The following NDRG4 variants were observed in gnomAD, a reference collection of about 807,000 sequenced individuals.
NDRG4 encodes NDRG family member 4, also known as protein NDRG4.
In NDRG4, 38 loss-of-function variants were observed where a neutral mutation model predicts 55.8. The ratio of observed to expected loss-of-function variants is 0.68; its 90% CI spans 0.53 to 0.89. NDRG4 has a LOEUF of 0.89. Ranked by LOEUF, NDRG4 falls within the 40% of genes least tolerant of loss-of-function variation. NDRG4 has a pLI of 0.00. For missense variants in NDRG4, 455 were observed against 468.6 expected (o/e 0.97, Z 0.27); for synonymous variants, 190 against 182.7 (o/e 1.04, Z -0.32).
In NDRG4 at chr16:58,511,443, G is replaced by A. The variant is rs370628261; in HGVS notation, c.926G>A (p.Arg309His). The change falls in exon 15 of 15, where the codon CGC (arginine) becomes CAC (histidine). Residue 309 changes from arginine (R) to histidine (H), a missense_variant. Coordinates refer to ENST00000570248, the MANE Select transcript of NDRG4 (RefSeq NM_001242835.2). Reference protein sequence around the residue: ...GGAVPSASMTRLARSRTASLT... With the variant: ...GGAVPSASMTHLARSRTASLT... The stretch of plus-strand genomic sequence containing the variant: ...ACAGTGCCCTCAGCCAGCATGACCC[G>A]CCTGGCACGCTCCCGCACTGCATCC... The A allele has an allele frequency of 2.0e-5, 32 of 1,608,748 alleles. No homozygotes were observed. The highest frequency in any genetic ancestry group is 1.1e-4 in the African/African-American group (8 of 74,784).
chr16:58,487,962 G>A, intron 2 of NDRG4: 1 of 758,832 alleles, frequency 1.3e-6, no homozygotes, highest in East Asian at 3.2e-5. Context: ...CAGCCACACC[G>A]AGAAGCCCTG....
At chr16:58,508,346 A>C (rs991045758) in intron 10 of NDRG4, among the ~76,000 whole-genome samples, 1 of 152,210 alleles carries the variant, frequency 6.6e-6, no homozygotes, top group Non-Finnish European at 1.5e-5. Flanking sequence ...AGCCATTATA[A>C]ATCATTAACG....
At chr16:58,511,386 C>T (rs761585150) in intron 14 of NDRG4, 36 bp from the exon 15 acceptor site, 6 of 1,559,234 alleles carry the variant, frequency 3.8e-6, no homozygotes, top group South Asian at 2.4e-5. Context: ...TGGCCCTGCC[C>T]GCCAGTCCTC....
intron 5 of NDRG4, 154 bp from the exon 6 acceptor site, chr16:58,506,233 G>A (rs1567347600): frequency 1.3e-6 from 1 of 743,232 alleles, no homozygotes; most frequent in Non-Finnish European, 2.4e-6. Context: ...TCAGTGAGAG[G>A]AGGACAGGCA....
rs1219717350 is a variant in NDRG4, at chr16:58,464,092, CTT to C, written c.-24+297_-24+298del. ...GCGACGCCCGGAGGCGGCGGGGTCT[CTT>C]TGTTCGGGCGGCGGGCACGGGGGAC... On this transcript the variant is annotated intron_variant, in intron 1 of 15. Coordinates refer to the NDRG4 transcript ENST00000258187. This position sits in a 1 kb window ranked among gnomAD's most constrained non-coding sequence, Gnocchi z 4.8. 3 of 269,584 alleles carry C rather than the reference CTT, an allele frequency of 1.1e-5. No individual in the cohort carries two copies. The highest frequency in any genetic ancestry group is 6.4e-5 in the East Asian group (1 of 15,596). The allele number at this position is 269,584 out of a possible 1,614,324, so 16.7% of individuals were successfully genotyped here. A position where few individuals can be genotyped will look rare whatever the true frequency, so the allele number is the denominator to read the frequency against.
intron 10 of NDRG4, among the ~76,000 whole-genome samples, chr16:58,508,443 G>C (rs2038338755): frequency 6.6e-6 from 1 of 152,210 alleles, no homozygotes; most frequent in South Asian, 2.1e-4. Context: ...GGAACTCTGG[G>C]AGCAGGTGGC....
chr16:58,505,186 A>T (rs1377228558), intron 5 of NDRG4, among the ~76,000 whole-genome samples: 1 of 152,030 alleles, frequency 6.6e-6, no homozygotes, highest in Non-Finnish European at 1.5e-5. Flanking sequence ...AGTCTCTACT[A>T]AAAATACAAA....
At chr16:58,494,900 C>T (rs2036222791) in intron 2 of NDRG4, 1 of 1,434,912 alleles carries the variant, frequency 7.0e-7, no homozygotes, top group Non-Finnish European at 9.8e-7. Flanking sequence ...TCTGCTAAGG[C>T]CCCACGGGCT....
At chr16:58,475,610 A>G in intron 1 of NDRG4, 1 of 456,066 alleles carries the variant, frequency 2.2e-6, no homozygotes, top group Non-Finnish European at 4.4e-6. Context: ...TCTCATAACC[A>G]GGATCTCAAA....
intron 1 of NDRG4, among the ~76,000 whole-genome samples, chr16:58,486,958 C>G (rs2035167797): frequency 6.6e-6 from 1 of 150,482 alleles, no homozygotes; most frequent in African/African-American, 2.5e-5. Flanking sequence ...CCACCCCTCC[C>G]TGGCCCATCT....
chr16:58,500,150 C>A lies in NDRG4; in HGVS notation c.-99C>A. ...CAGGAGCTGTGCCCCATCACAGAGC[C>A]GACCATCTCCCACTCGAGCTGCCCC... On this transcript the variant is annotated 5_prime_UTR_variant, in exon 1 of 15. Coordinates refer to ENST00000570248, the MANE Select transcript of NDRG4 (RefSeq NM_001242835.2). 6.5e-7 allele frequency: 1 copy of A among 1,535,300 alleles called. No homozygotes were observed. The highest frequency in any genetic ancestry group is 8.7e-7 in the Non-Finnish European group (1 of 1,146,538).
intron 13 of NDRG4, 47 bp downstream of exon 13, chr16:58,509,399 C>G: frequency 6.3e-7 from 1 of 1,590,044 alleles, no homozygotes; most frequent in Non-Finnish European, 8.6e-7. Context: ...GACCGGTGGG[C>G]AGGCAGTGCT....
rs763551046 is a variant in NDRG4 at position 58,500,156 on chromosome 16, TCTCCCACTCGAG to T, written c.-90_-79del. 2.0e-6 allele frequency: 3 copies of T among 1,535,420 alleles called. No individual in the cohort carries two copies. The highest frequency in any genetic ancestry group is 2.6e-6 in the Non-Finnish European group (3 of 1,146,554). On this transcript the variant is annotated 5_prime_UTR_variant, in exon 1 of 15. Transcript: ENST00000570248. ...CTGTGCCCCATCACAGAGCCGACCA[TCTCCCACTCGAG>T]CTGCCCCCGCCCTCTGGACCCGAGT... is the stretch of plus-strand genomic sequence containing the variant.
chr16:58,500,072 C>A, upstream of NDRG4: 1 of 1,482,402 alleles, frequency 6.7e-7, no homozygotes, highest in Non-Finnish European at 8.9e-7. Context: ...CTCAGAAACC[C>A]TGCGGGGAGG....
At chr16:58,494,132 A>C (rs1337169692) in intron 2 of NDRG4, among the ~76,000 whole-genome samples, 2 of 152,186 alleles carry the variant, frequency 1.3e-5, no homozygotes, top group Non-Finnish European at 2.9e-5. Context: ...CCATGCCAGC[A>C]TCATACTGAG....
chr16:58,473,950 C>T (rs931574511), intron 1 of NDRG4, among the ~76,000 whole-genome samples: 1 of 151,976 alleles, frequency 6.6e-6, no homozygotes, highest in African/African-American at 2.4e-5. Context: ...CAACGCTTAC[C>T]ACCCCTGTCC....
In NDRG4 at chr16:58,512,502, C is replaced by T; in HGVS notation, c.*926C>T. On this transcript the variant is annotated 3_prime_UTR_variant, in exon 15 of 15. Coordinates refer to ENST00000570248, the MANE Select transcript of NDRG4 (RefSeq NM_001242835.2). Reference sequence around the variant, plus strand: ...CCCCAGAGGGCAACGCCATCAGTAGCAGTGTGGTGTTTCAGGCAGAGCTCT... The same window carrying T: ...CCCCAGAGGGCAACGCCATCAGTAGTAGTGTGGTGTTTCAGGCAGAGCTCT... 4.2e-6 allele frequency: 1 copy of T among 237,474 alleles called. No homozygotes were observed. The highest frequency in any genetic ancestry group is 8.4e-6 in the Non-Finnish European group (1 of 118,872). 14.7% of individuals were successfully genotyped at this position (237,474 alleles called of 1,614,324 possible). A position where few individuals can be genotyped will look rare whatever the true frequency, so the allele number is the denominator to read the frequency against.
chr16:58,504,005 C>G, intron 2 of NDRG4, 102 bp downstream of exon 2: 1 of 1,546,374 alleles, frequency 6.5e-7, no homozygotes, highest in Non-Finnish European at 8.9e-7. Flanking sequence ...CCCACTCACA[C>G]TCACCTCTGT....
At chr16:58,501,945 C>T (rs1201667054) in intron 1 of NDRG4, 2 of 455,154 alleles carry the variant, frequency 4.4e-6, no homozygotes, top group Non-Finnish European at 8.8e-6. Context: ...CTTTATGCAG[C>T]AGGAGGCGCA....
Sources: allele counts gnomAD v4.1 joint callset (sites outside exome capture counted in the v4.1 genomes callset), GRCh38; gene constraint gnomAD v4.1.1; non-coding constraint Gnocchi (gnomAD v3.1); transcripts MANE v1.5; gene names NCBI Gene and HGNC (gene_info 2026-07-23, HGNC 2026-07-21).